GBE1: variants seen among roughly 807,000 people sequenced by gnomAD.
GBE1 encodes the protein 1,4-alpha-glucan-branching enzyme.
Under a neutral mutation model 88.8 loss-of-function variants are expected in GBE1, and 70 were observed. That is an observed-to-expected ratio of 0.79 (90% CI 0.65 to 0.96). The LOEUF is 0.96. Ranked by LOEUF, GBE1 falls within the 40% of genes least tolerant of loss-of-function variation. GBE1 has a pLI of 0.00. For missense variants in GBE1, 872 were observed against 871.0 expected (o/e 1.00, Z -0.01); for synonymous variants, 284 against 300.1 (o/e 0.95, Z 0.56).
rs562162734 is a variant in GBE1, at chr3:81,730,778, G to A, written c.144-25165C>T. Among the ~76,000 whole-genome samples the A allele has an allele frequency of 1.9e-4, 29 of 152,268 alleles. No individual in the cohort carries two copies. The South Asian group carries it at 4.4e-3, about 23-fold the overall frequency. On this transcript the variant is annotated intron_variant, in intron 1 of 15. Coordinates refer to ENST00000429644, the MANE Select transcript of GBE1 (RefSeq NM_000158.4). ...AAAGGTTAACTTCATAAAGAACCCCGTGTAGCCAATACGGAGGCAGCTGTG... is the reference window on the plus strand; with the variant it reads ...AAAGGTTAACTTCATAAAGAACCCCATGTAGCCAATACGGAGGCAGCTGTG...
chr3:81,525,415 C>T (rs1196062701), intron 14 of GBE1, among the ~76,000 whole-genome samples: 1 of 152,018 alleles, frequency 6.6e-6, no homozygotes, highest in African/African-American at 2.4e-5. Context: ...TTTTGATGTG[C>T]TGCTGGATTC....
chr3:81,667,958 A>T (rs1705136683), intron 3 of GBE1, among the ~76,000 whole-genome samples: 1 of 152,202 alleles, frequency 6.6e-6, no homozygotes, highest in South Asian at 2.1e-4. Flanking sequence ...TGGCAAAGAC[A>T]TGGAACCAAC....
intron 2 of GBE1, among the ~76,000 whole-genome samples, chr3:81,701,596 C>T (rs1235484776): frequency 6.6e-6 from 1 of 151,688 alleles, no homozygotes; most frequent in African/African-American, 2.4e-5. Flanking sequence ...CTAGTTAGTA[C>T]CTAGAGCAAA....
Position 81,687,585 on chromosome 3 carries a change from T to C in GBE1, c.314-16632A>G, listed in dbSNP as rs1413965436. ...AAACTGAAATAGCTACCATGGAGAA[T>C]GTAAGAAAGAGCAGGCTCGGGGTGT... On this transcript the variant is annotated intron_variant, in intron 2 of 15. Transcript: ENST00000429644. Among the ~76,000 whole-genome samples the C allele has an allele frequency of 2.0e-5, 3 of 152,102 alleles. No individual in the cohort carries two copies. The East Asian group carries it at 5.8e-4, about 29-fold the overall frequency.
At chr3:81,760,819 G>T (rs1415822670) in intron 1 of GBE1, among the ~76,000 whole-genome samples, 5 of 152,180 alleles carry the variant, frequency 3.3e-5, no homozygotes, top group African/African-American at 9.7e-5. Flanking sequence ...AGAAAAAATT[G>T]ATCAATGTAG....
chr3:81,709,475 A>G lies in GBE1; in HGVS notation c.144-3862T>C, dbSNP rs184867525. 3.3e-3 allele frequency among the ~76,000 whole-genome samples: 506 copies of G among 152,310 alleles called. 1 individual carries two copies. Among genetic ancestry groups the G allele is most frequent in the Middle Eastern group, 0.02 (6 of 294 alleles). ...ACTGAACTTAGGGTAAAAAATATAC[A>G]CACACATACACCCTCATAATACAAG... On this transcript the variant is annotated intron_variant, in intron 1 of 15. Coordinates refer to ENST00000429644, the MANE Select transcript of GBE1 (RefSeq NM_000158.4).
At chr3:81,672,102 C>T (rs1705198131) in intron 2 of GBE1, among the ~76,000 whole-genome samples, 1 of 151,952 alleles carries the variant, frequency 6.6e-6, no homozygotes, top group Non-Finnish European at 1.5e-5. Flanking sequence ...TATCATTTCG[C>T]ACTCAGGACA....
chr3:81,656,930 T>G (rs953801658), intron 3 of GBE1, among the ~76,000 whole-genome samples: 7 of 151,916 alleles, frequency 4.6e-5, no homozygotes, highest in Non-Finnish European at 8.8e-5. Context: ...TCAAGGCAGG[T>G]GGATCACCTG....
chr3:81,631,419 C>T (rs925366556), intron 7 of GBE1, among the ~76,000 whole-genome samples: 1 of 151,944 alleles, frequency 6.6e-6, no homozygotes, highest in Non-Finnish European at 1.5e-5. Context: ...GTAACTTTAA[C>T]TTAATCTCTA....
intron 2 of GBE1, among the ~76,000 whole-genome samples, chr3:81,702,467 A>T (rs1705713577): frequency 1.3e-5 from 2 of 152,012 alleles, no homozygotes; most frequent in Non-Finnish European, 2.9e-5. Context: ...TAAATTAGAC[A>T]TTTAAGTTTC....
At chr3:81,725,953 G>A (rs1706106447) in intron 1 of GBE1, among the ~76,000 whole-genome samples, 1 of 152,002 alleles carries the variant, frequency 6.6e-6, no homozygotes, top group Non-Finnish European at 1.5e-5. Context: ...CAGAGTTGAT[G>A]ATGCTCTCTT....
intron 14 of GBE1, among the ~76,000 whole-genome samples, chr3:81,523,502 A>G (rs1702900844): frequency 6.6e-6 from 1 of 151,574 alleles, no homozygotes. Flanking sequence ...AAACATTCCT[A>G]TTACACTTTT....
At chr3:81,588,367 G>C (rs868728597) in intron 9 of GBE1, among the ~76,000 whole-genome samples, 1 of 152,088 alleles carries the variant, frequency 6.6e-6, no homozygotes, top group South Asian at 2.1e-4. Context: ...CAGACACAAT[G>C]CCTTCTGAAA....
At chr3:81,661,048 C>A in intron 3 of GBE1, among the ~76,000 whole-genome samples, 1 of 151,056 alleles carries the variant, frequency 6.6e-6, no homozygotes, top group African/African-American at 2.4e-5. Flanking sequence ...GATCAAATAC[C>A]AAACAAAAGC....
chr3:81,730,608 G>T (rs1164380910), intron 1 of GBE1, among the ~76,000 whole-genome samples: 1 of 152,130 alleles, frequency 6.6e-6, no homozygotes, highest in Non-Finnish European at 1.5e-5. Flanking sequence ...AAAGCAAATT[G>T]GGTGGCAGTT....
At chr3:81,711,003 T>G (rs1705858036) in intron 1 of GBE1, among the ~76,000 whole-genome samples, 2 of 152,292 alleles carry the variant, frequency 1.3e-5, no homozygotes, top group South Asian at 4.1e-4. Flanking sequence ...GGCAGGGAGT[T>G]ACTACTAGGC....
At chr3:81,702,087 G>C (rs1210450165) in intron 2 of GBE1, among the ~76,000 whole-genome samples, 1 of 21,508 alleles carries the variant, frequency 4.6e-5, no homozygotes, top group Non-Finnish European at 8.4e-5. Context: ...TCCCTGGAGA[G>C]AGAGAGAGAG....
At chr3:81,597,552 T>C (rs1703976625) in intron 7 of GBE1, among the ~76,000 whole-genome samples, 1 of 149,480 alleles carries the variant, frequency 6.7e-6, no homozygotes, top group Non-Finnish European at 1.5e-5. Flanking sequence ...CCATTTTAGC[T>C]CTTAGCTTTA....
intron 1 of GBE1, among the ~76,000 whole-genome samples, chr3:81,724,651 C>T (rs1365085676): frequency 1.3e-5 from 2 of 152,062 alleles, no homozygotes; most frequent in Non-Finnish European, 2.9e-5. Context: ...CTTAGCTTAA[C>T]AAACAGTGAT....
Sources: gnomAD v4.1 joint callset for allele counts (sites outside exome capture counted in the v4.1 genomes callset) on GRCh38, gnomAD v4.1.1 for gene constraint, MANE v1.5 for transcripts, NCBI Gene and HGNC (gene_info 2026-07-23, HGNC 2026-07-21) for gene names.